ZNF154: variants seen among roughly 807,000 people sequenced by gnomAD.
ZNF154 encodes zinc finger protein 154.
ZNF154 carries 6 observed loss-of-function variants against 7.5 expected under a neutral mutation model. The observed-to-expected ratio is 0.80, with a 90% CI of 0.44 to 1.57. ZNF154 has a LOEUF of 1.57. Among genes scored for constraint, ZNF154 ranks in the 40% most tolerant of loss-of-function variants. The probability of loss-of-function intolerance (pLI) is 0.01; values close to 1 mark genes in which losing one functional copy is unlikely to be tolerated. For missense variants in ZNF154, 485 were observed against 531.4 expected, an observed-to-expected ratio of 0.91 and a Z score of 0.86; for synonymous variants, 187 against 185.9, an observed-to-expected ratio of 1.01 and a Z score of -0.05.
chr19:57,704,419 G>A lies in ZNF154; in HGVS notation c.160+434C>T, dbSNP rs546517190. On this transcript the variant is annotated intron_variant, in intron 2 of 2. Transcript: ENST00000684351. The stretch of plus-strand genomic sequence containing the variant: ...AAATACTACAAAGAAAATTTCAGAG[G>A]AATACTTTGTAAGAAGAGTCCATGG... Among the ~76,000 whole-genome samples the A allele has an allele frequency of 7.1e-4, 108 of 152,234 alleles. 1 individual carries two copies. Among genetic ancestry groups the A allele is most frequent in the African/African-American group, 2.5e-3 (103 of 41,526 alleles).
rs1220199334 is a variant in ZNF154 at position 57,701,190 on chromosome 19, G to A, written c.*445C>T. 6.0e-6 allele frequency: 1 copy of A among 166,870 alleles called. No individual in the cohort carries two copies. The highest frequency in any genetic ancestry group is 1.3e-5 in the Non-Finnish European group (1 of 75,936). The allele number at this position is 166,870 out of a possible 1,614,324, so 10.3% of individuals were successfully genotyped here. A position where few individuals can be genotyped will look rare whatever the true frequency, so the allele number is the denominator to read the frequency against. The stretch of plus-strand genomic sequence containing the variant: ...AAAAAAAAAACGGAATAAATGCTTA[G>A]GCTATTTACAAATTCCTCCCATGAA... On this transcript the variant is annotated 3_prime_UTR_variant, in exon 3 of 3. Transcript: ENST00000684351.
chr19:57,701,531 A>T lies in ZNF154; in HGVS notation c.*104T>A. 1 of 1,254,128 alleles carries T rather than the reference A, an allele frequency of 8.0e-7. No individual in the cohort carries two copies. Among genetic ancestry groups the T allele is most frequent in the Non-Finnish European group, 1.1e-6 (1 of 908,710 alleles). The allele number at this position is 1,254,128 out of a possible 1,614,324, so 77.7% of individuals were successfully genotyped here. A position where few individuals can be genotyped will look rare whatever the true frequency, so the allele number is the denominator to read the frequency against. ...TTCCCTTGTGAACTGTGTGGCACTC[A>T]ATGAGATATGGCCTTCAGCTGAAGC... is the stretch of plus-strand genomic sequence containing the variant. On this transcript the variant is annotated 3_prime_UTR_variant, in exon 3 of 3. Coordinates refer to ENST00000684351, the MANE Select transcript of ZNF154 (RefSeq NM_001085384.3).
At position 57,701,609 on chromosome 19, in the gene ZNF154, T is replaced by TC; in HGVS notation, c.*25_*26insG. 1 of 1,600,546 alleles carries TC rather than the reference T, an allele frequency of 6.2e-7. No individual in the cohort carries two copies. Among genetic ancestry groups the TC allele is most frequent in the East Asian group, 2.2e-5 (1 of 44,628 alleles). ...ACTTTCTCCAGGGTGCTAACAGATTTTCCACATTTGCCACTCATAAGGCTT... is the reference window on the plus strand; with the variant it reads ...ACTTTCTCCAGGGTGCTAACAGATTTCTCCACATTTGCCACTCATAAGGCTT... On this transcript the variant is annotated 3_prime_UTR_variant, in exon 3 of 3. Coordinates refer to ENST00000684351, the MANE Select transcript of ZNF154 (RefSeq NM_001085384.3).
rs1418545384 is a variant in ZNF154 at position 57,696,507 on chromosome 19, C to T, written c.*5128G>A. ...AGGTACCAAGAGGCTGCAAAACCAG[C>T]AGAGTCCTGATGCTGGGCAGTGGCA... On this transcript the variant is annotated 3_prime_UTR_variant, in exon 3 of 3. Transcript: ENST00000684351. Among the ~76,000 whole-genome samples, 1 of 152,148 alleles carries T rather than the reference C, an allele frequency of 6.6e-6. No homozygotes were observed. Among genetic ancestry groups the T allele is most frequent in the Non-Finnish European group, 1.5e-5 (1 of 68,036 alleles).
At chr19:57,703,791 C>CA (rs1278706541) in intron 2 of ZNF154, among the ~76,000 whole-genome samples, 2 of 152,110 alleles carry the variant, frequency 1.3e-5, no homozygotes, top group African/African-American at 4.8e-5. Context: ...GTGGGTGGAT[C>CA]ACAAGGTCAG....
Position 57,701,456 on chromosome 19 carries a change from C to T in ZNF154, c.*179G>A, listed in dbSNP as rs1469232901. ...CTGATGCCACCCTCATAAGGGATCT[C>T]CTTCAGAGCTGTTATATCAACTGGA... On this transcript the variant is annotated 3_prime_UTR_variant, in exon 3 of 3. Coordinates refer to ENST00000684351, the MANE Select transcript of ZNF154 (RefSeq NM_001085384.3). 1.5e-6 allele frequency: 1 copy of T among 664,240 alleles called. No individual in the cohort carries two copies. The highest frequency in any genetic ancestry group is 2.5e-6 in the Non-Finnish European group (1 of 397,598). 41.1% of individuals were successfully genotyped at this position (664,240 alleles called of 1,614,324 possible). A position where few individuals can be genotyped will look rare whatever the true frequency, so the allele number is the denominator to read the frequency against.
intron 1 of ZNF154, among the ~76,000 whole-genome samples, chr19:57,705,873 G>C (rs1371952970): frequency 6.6e-6 from 1 of 152,080 alleles, no homozygotes; most frequent in African/African-American, 2.4e-5. Flanking sequence ...CAGAAAAAAA[G>C]TGAATAACCA....
rs765315945 is a variant in ZNF154 at position 57,702,799 on chromosome 19, A to G, written c.161-11T>C. 2.0e-5 allele frequency: 32 copies of G among 1,591,946 alleles called. No individual in the cohort carries two copies. The highest frequency in any genetic ancestry group is 1.7e-4 in the Middle Eastern group (1 of 5,998). The stretch of plus-strand genomic sequence containing the variant: ...TCTGATGATGAACATCTGCAATGAA[A>G]TACAATTATTTCCCACATGCCCCAC... On this transcript the variant is annotated splice_polypyrimidine_tract_variant and intron_variant, in intron 2 of 2. Transcript: ENST00000684351.
chr19:57,707,130 A>AAAAAAAAAAAAAAAAAAAAC, intron 1 of ZNF154, among the ~76,000 whole-genome samples: 2 of 148,512 alleles, frequency 1.3e-5, no homozygotes, highest in Non-Finnish European at 3.0e-5. Context: ...AAAAAAAAAA[A>AAAAAAAAAAAAAAAAAAAAC]ATAGAACAAC....
Position 57,709,169 on chromosome 19 carries a change from G to C in ZNF154, c.-198C>G. ...TCGGCGCTCTGCTATCTCTGATCCGGTGAACACACCTCAGAGAAGCTAAAA... is the reference window on the plus strand; with the variant it reads ...TCGGCGCTCTGCTATCTCTGATCCGCTGAACACACCTCAGAGAAGCTAAAA... On this transcript the variant is annotated 5_prime_UTR_variant, in exon 1 of 3. Coordinates refer to ENST00000684351, the MANE Select transcript of ZNF154 (RefSeq NM_001085384.3). 1 of 665,738 alleles carries C rather than the reference G, an allele frequency of 1.5e-6. No homozygotes were observed. The highest frequency in any genetic ancestry group is 1.9e-5 in the South Asian group (1 of 52,940). 41.2% of individuals were successfully genotyped at this position (665,738 alleles called of 1,614,324 possible).
chr19:57,703,493 A>C (rs1459952666), intron 2 of ZNF154, among the ~76,000 whole-genome samples: 1 of 151,018 alleles, frequency 6.6e-6, no homozygotes, highest in African/African-American at 2.4e-5. Context: ...TCAAAAAAAA[A>C]AAAAAAAAAA....
intron 2 of ZNF154, 121 bp downstream of exon 2, chr19:57,704,732 C>G (rs1023404750): frequency 1.5e-6 from 2 of 1,353,950 alleles, no homozygotes; most frequent in Non-Finnish European, 2.0e-6. Flanking sequence ...CAGAACTATG[C>G]AGGGAACTGA....
intron 2 of ZNF154, among the ~76,000 whole-genome samples, chr19:57,704,148 G>C (rs1985295667): frequency 6.6e-6 from 1 of 152,220 alleles, no homozygotes. Flanking sequence ...TGGATGTTAA[G>C]AGCAGAAGTG....
At chr19:57,702,852 TCCCCTAGGG>T (rs1320652446) in intron 2 of ZNF154, 64 bp from the exon 3 acceptor site, 1 of 1,499,266 alleles carries the variant, frequency 6.7e-7, no homozygotes, top group Non-Finnish European at 9.0e-7. Flanking sequence ...CTATGATGTG[TCCCCTAGGG>T]CCCAGCCAAG....
Position 57,699,468 on chromosome 19 carries a change from C to A in ZNF154, c.*2167G>T. ...ATAAACACATTTGGCCCAGGAACTG[C>A]TAACGAATGTACAGTGCAGTGGTGG... On this transcript the variant is annotated 3_prime_UTR_variant, in exon 3 of 3. Transcript: ENST00000684351. 2.7e-6 allele frequency: 1 copy of A among 365,620 alleles called. No individual in the cohort carries two copies. Among genetic ancestry groups the A allele is most frequent in the Non-Finnish European group, 5.6e-6 (1 of 177,272 alleles). The allele number at this position is 365,620 out of a possible 1,614,324, so 22.6% of individuals were successfully genotyped here.
At chr19:57,708,812 G>A (rs1314348973) in intron 1 of ZNF154, 127 bp downstream of exon 1, 1 of 1,273,018 alleles carries the variant, frequency 7.9e-7, no homozygotes, top group African/African-American at 1.5e-5. Context: ...CAAAAAAAGG[G>A]CCCCACCCAC....
Position 57,702,394 on chromosome 19 carries a change from T to C in ZNF154, c.555A>G (p.Gly185=). The C allele has an allele frequency of 6.2e-7, 1 of 1,612,728 alleles. No homozygotes were observed. Reference sequence around the variant, plus strand: ...ACTCTCGACATTCATAAGGCTTTTCTCCAGTGTGAAGTCTCCAATGGTCAT... The same window carrying C: ...ACTCTCGACATTCATAAGGCTTTTCCCCAGTGTGAAGTCTCCAATGGTCAT... ...SLNDHWRLHT[G]EKPYECRECG... The change falls in exon 3 of 3, where the codon GGA becomes GGG. Residue 185 remains glycine, a synonymous_variant. Transcript: ENST00000684351.
At position 57,709,115 on chromosome 19, in the gene ZNF154, G is replaced by A. The variant is rs1240198704; in HGVS notation, c.-144C>T. 5.4e-6 allele frequency: 6 copies of A among 1,118,462 alleles called. 1 individual carries two copies. In the South Asian group the frequency reaches 8.5e-5, roughly 16 times the overall value. The allele number at this position is 1,118,462 out of a possible 1,614,324, so 69.3% of individuals were successfully genotyped here. ...GACGCTTTCGTGCAGGAGGGACGAC[G>A]ACTCCCCTCACGCCTTCGTGGCCCC... is the stretch of plus-strand genomic sequence containing the variant. On this transcript the variant is annotated 5_prime_UTR_variant, in exon 1 of 3. Transcript: ENST00000684351.
rs200693217 is a variant in ZNF154, at chr19:57,701,695, A to C, written c.1254T>G (p.Cys418Trp). ...TGGAGTTATGGCTAAAGGATTTCCCACATTCCGTGCACTCATAAGGCTTCT... is the reference window on the plus strand; with the variant it reads ...TGGAGTTATGGCTAAAGGATTTCCCCCATTCCGTGCACTCATAAGGCTTCT... ...TGEKPYECTE[C>W]GKSFSHNSSL... The change falls in exon 3 of 3, where the codon TGT (cysteine) becomes TGG (tryptophan). Residue 418 changes from cysteine (C) to tryptophan (W), a missense_variant. Cys to Trp is a radical substitution (Grantham distance 215). Transcript: ENST00000684351. The C allele has an allele frequency of 1.8e-5, 29 of 1,614,020 alleles. No individual in the cohort carries two copies. The highest frequency in any genetic ancestry group is 2.4e-5 in the Non-Finnish European group (28 of 1,179,978).
Sources: gnomAD v4.1 joint callset for allele counts (sites outside exome capture counted in the v4.1 genomes callset) on GRCh38, gnomAD v4.1.1 for gene constraint, MANE v1.5 for transcripts, NCBI Gene and HGNC (gene_info 2026-07-23, HGNC 2026-07-21) for gene names.